The following RGS6 variants were observed in gnomAD, a reference collection of about 807,000 sequenced individuals.
RGS6 encodes the protein regulator of G protein signaling 6, also known as regulator of G-protein signaling 6.
A neutral mutation model predicts 78.5 loss-of-function variants in RGS6; 30 were observed. The observed-to-expected ratio is 0.38, with a 90% CI of 0.29 to 0.52. The LOEUF is 0.52. Ranked by LOEUF, RGS6 falls within the 20% of genes least tolerant of loss-of-function variation. The pLI is 0.85. For missense variants in RGS6, 495 were observed against 609.7 expected, an observed-to-expected ratio of 0.81 and a Z score of 1.98; for synonymous variants, 206 against 206.0, an observed-to-expected ratio of 1.00 and a Z score of 0.00.
chr14:72,018,803 T>A (rs558344585), intron 2 of RGS6, among the ~76,000 whole-genome samples: 3 of 152,184 alleles, frequency 2.0e-5, no homozygotes, highest in African/African-American at 4.8e-5. Flanking sequence ...ATCCTGTCAC[T>A]CTCTAAGGGG....
At chr14:72,016,655 G>T (rs1168231747) in intron 2 of RGS6, among the ~76,000 whole-genome samples, 1 of 152,186 alleles carries the variant, frequency 6.6e-6, no homozygotes, top group African/African-American at 2.4e-5. Flanking sequence ...GTGAGCCACC[G>T]CGCCCGACTG....
intron 2 of RGS6, among the ~76,000 whole-genome samples, chr14:72,247,677 A>G (rs1444540979): frequency 5.3e-5 from 8 of 152,202 alleles, no homozygotes; most frequent in Non-Finnish European, 1.5e-5. Context: ...TCAAAGAGTA[A>G]TTTGGTCAAG....
chr14:72,106,616 CT>C (rs2095638386), intron 2 of RGS6, among the ~76,000 whole-genome samples: 1 of 152,172 alleles, frequency 6.6e-6, no homozygotes, highest in South Asian at 2.1e-4. Flanking sequence ...ACTCCCTTGC[CT>C]TTTTATAGTT....
At chr14:72,208,693 T>C (rs978730887) in intron 2 of RGS6, among the ~76,000 whole-genome samples, 1 of 152,186 alleles carries the variant, frequency 6.6e-6, no homozygotes, top group Admixed American at 6.5e-5. Context: ...TCAGCATAAC[T>C]TGTTCAATGC....
chr14:72,592,020 A>T, the RGS6 span, among the ~76,000 whole-genome samples: 1 of 152,214 alleles, frequency 6.6e-6, no homozygotes, highest in Admixed American at 6.5e-5. Context: ...GTCATCCAAA[A>T]TGTCCAAGAC....
chr14:72,160,231 A>T (rs957701678), intron 2 of RGS6, among the ~76,000 whole-genome samples: 1 of 152,204 alleles, frequency 6.6e-6, no homozygotes, highest in Non-Finnish European at 1.5e-5. Flanking sequence ...TTCAGGTGGG[A>T]GAATAAAAAT....
chr14:72,599,246 C>G, the RGS6 span, among the ~76,000 whole-genome samples: 1 of 152,280 alleles, frequency 6.6e-6, no homozygotes, highest in African/African-American at 2.4e-5. Context: ...GGGTGGGTGT[C>G]ATCAGCCCCT....
chr14:72,244,670 C>G (rs1280168422), intron 2 of RGS6, among the ~76,000 whole-genome samples: 2 of 152,172 alleles, frequency 1.3e-5, no homozygotes, highest in African/African-American at 2.4e-5. Context: ...TCCCCCATAC[C>G]TGCACCCCAC....
chr14:71,966,689 A>G (rs1189411958), intron 2 of RGS6, among the ~76,000 whole-genome samples: 1 of 152,246 alleles, frequency 6.6e-6, no homozygotes, highest in East Asian at 1.9e-4. Flanking sequence ...CACTTTAGAT[A>G]AATCGAATGA....
intron 17 of RGS6, among the ~76,000 whole-genome samples, chr14:72,548,279 C>T (rs1034900612): frequency 1.3e-5 from 2 of 151,606 alleles, no homozygotes; most frequent in African/African-American, 4.9e-5. Context: ...GCATTTCCCG[C>T]AGCTGGGATG....
intron 1 of RGS6, among the ~76,000 whole-genome samples, chr14:71,956,450 C>G (rs975748222): frequency 6.6e-6 from 1 of 151,680 alleles, no homozygotes; most frequent in East Asian, 1.9e-4. Flanking sequence ...CTTACATGAT[C>G]ACAAGGTCCC....
intron 3 of RGS6, among the ~76,000 whole-genome samples, chr14:72,393,562 G>T (rs1478841475): frequency 6.6e-6 from 1 of 152,126 alleles, no homozygotes; most frequent in Non-Finnish European, 1.5e-5. Context: ...TAGAACCCAA[G>T]TCTCCCAACT....
At chr14:72,476,600 A>G (rs979213033) in intron 10 of RGS6, 142 bp from the exon 11 acceptor site, 4 of 628,010 alleles carry the variant, frequency 6.4e-6, no homozygotes, top group Non-Finnish European at 1.1e-5. Context: ...CATTCTCATC[A>G]TTGAAGAAAT....
chr14:72,203,605 G>C (rs1392279578), intron 2 of RGS6, among the ~76,000 whole-genome samples: 1 of 152,164 alleles, frequency 6.6e-6, no homozygotes, highest in Non-Finnish European at 1.5e-5. Context: ...CTGTTGGCTA[G>C]AGACATCAGT....
At chr14:72,472,172 GA>G (rs5809575) in intron 8 of RGS6, among the ~76,000 whole-genome samples, 1,725 of 141,532 alleles carry the variant, frequency 0.012, 12 homozygotes, top group African/African-American at 0.033. Context: ...GCTTTTTTAA[GA>G]AAAAAAAAAA....
chr14:71,892,650 T>A, the RGS6 span, among the ~76,000 whole-genome samples: 1 of 152,224 alleles, frequency 6.6e-6, no homozygotes, highest in South Asian at 2.1e-4. Flanking sequence ...TACAAACTAC[T>A]TAAACTGTTA....
upstream of RGS6, among the ~76,000 whole-genome samples, chr14:71,931,427 A>C (rs2087853486): frequency 6.6e-6 from 1 of 152,236 alleles, no homozygotes; most frequent in Non-Finnish European, 1.5e-5. Flanking sequence ...GGAAAGAATG[A>C]ATACATCCAT....
chr14:72,249,151 A>G (rs947851049), intron 2 of RGS6, among the ~76,000 whole-genome samples: 2 of 152,236 alleles, frequency 1.3e-5, no homozygotes, highest in Non-Finnish European at 2.9e-5. Context: ...AAAATGAGTA[A>G]ACCTCTAGAG....
chr14:72,550,476 A>G (rs1182958838), intron 17 of RGS6: 1 of 1,535,712 alleles, frequency 6.5e-7, no homozygotes. Context: ...CTGTCAAGCA[A>G]GGACCGAAAG....
Sources: gnomAD v4.1 joint callset for allele counts (sites outside exome capture counted in the v4.1 genomes callset) on GRCh38, gnomAD v4.1.1 for gene constraint, MANE v1.5 for transcripts, NCBI Gene and HGNC (gene_info 2026-07-23, HGNC 2026-07-21) for gene names.